Variants in ROCK2 observed in about 807,000 individuals in gnomAD.
The protein encoded by ROCK2 is Rho associated coiled-coil containing protein kinase 2.
In ROCK2, 61 loss-of-function variants were observed where a neutral mutation model predicts 195.1. That is an observed-to-expected ratio of 0.31 (90% CI 0.25 to 0.39). ROCK2 has a LOEUF of 0.39. Ranked by LOEUF, ROCK2 falls within the 10% of genes least tolerant of loss-of-function variation. ROCK2 has a pLI of 1.00. For missense variants in ROCK2, 1,109 were observed against 1,637.4 expected (o/e 0.68, Z 5.57); for synonymous variants, 504 against 545.5 (o/e 0.92, Z 1.06).
intron 1 of ROCK2, among the ~76,000 whole-genome samples, chr2:11,319,455 C>A (rs1040942112): frequency 2.0e-4 from 31 of 152,260 alleles, no homozygotes; most frequent in African/African-American, 7.0e-4. Flanking sequence ...GATTTTGTAT[C>A]CTGAGACTTT....
intron 3 of ROCK2, among the ~76,000 whole-genome samples, chr2:11,260,509 CCACTCTTCAAATCTT>C (rs1305180989): frequency 2.0e-5 from 3 of 150,246 alleles, no homozygotes; most frequent in Non-Finnish European, 2.9e-5. Flanking sequence ...TATATTTACA[CCACTCTTCAAATCTT>C]CACTTACTTT....
Position 11,180,772 on chromosome 2 carries a change from GGTT to G in ROCK2, c.*2662_*2664del, listed in dbSNP as rs889932748. The G allele has an allele frequency of 5.9e-5, 9 of 152,144 alleles. No homozygotes were observed. The highest frequency in any genetic ancestry group is 1.9e-4 in the African/African-American group (8 of 41,428). 9.4% of individuals were successfully genotyped at this position (152,144 alleles called of 1,614,324 possible). A position where few individuals can be genotyped will look rare whatever the true frequency, so the allele number is the denominator to read the frequency against. ...AAAACGAGAAACGAGCACAAAATCA[GGTT>G]GTTTTATATTTAATAAGTGTTGGGA... On this transcript the variant is annotated 3_prime_UTR_variant, in exon 33 of 33. Transcript: ENST00000315872.
chr2:11,300,336 C>G (rs895530072), intron 1 of ROCK2, among the ~76,000 whole-genome samples: 1 of 152,182 alleles, frequency 6.6e-6, no homozygotes, highest in Non-Finnish European at 1.5e-5. Context: ...GATCTCAGCT[C>G]AATGCAATCT....
In ROCK2 at chr2:11,344,072, GC is replaced by G; in HGVS notation, c.64del (p.Ala22GlnfsTer12). 1 of 1,556,794 alleles carries G rather than the reference GC, an allele frequency of 6.4e-7. No homozygotes were observed. The highest frequency in any genetic ancestry group is 1.2e-5 in the South Asian group (1 of 86,178). ...CAGCTTCCTCTGGCGGCTCGCGCCTGCCCCGTCCCCCGGCGCGGTCTCGGGG... is the reference window on the plus strand; with the variant it reads ...CAGCTTCCTCTGGCGGCTCGCGCCTGCCCGTCCCCCGGCGCGGTCTCGGGG... Reference protein sequence around the residue: ...GAPETAPGDGAGASRQRKLEA... With the variant: ...GAPETAPGDGXGASRQRKLEA... On this transcript the variant is annotated frameshift_variant, in exon 1 of 33. Transcript: ENST00000315872. LOFTEE classifies it high-confidence loss of function. This position sits in a 1 kb window ranked among gnomAD's most constrained non-coding sequence, Gnocchi z 5.4.
chr2:11,309,007 T>G, intron 1 of ROCK2: 1 of 1,592,298 alleles, frequency 6.3e-7, no homozygotes, highest in South Asian at 1.1e-5. Flanking sequence ...CATAGCTCTG[T>G]GTAGCGTATT....
At chr2:11,190,494 T>G (rs1335888394) in intron 32 of ROCK2, among the ~76,000 whole-genome samples, 3 of 152,152 alleles carry the variant, frequency 2.0e-5, no homozygotes, top group African/African-American at 7.2e-5. Flanking sequence ...GTTACATAAC[T>G]GGGAGCGTGC....
At chr2:11,317,577 TA>T (rs1558388058) in intron 1 of ROCK2, among the ~76,000 whole-genome samples, 19 of 13,212 alleles carry the variant, frequency 1.4e-3, no homozygotes, top group African/African-American at 6.3e-3. Context: ...TCTACACATT[TA>T]TATATATATA....
At chr2:11,248,732 A>G (rs1354228983) in intron 4 of ROCK2, among the ~76,000 whole-genome samples, 2 of 144,452 alleles carry the variant, frequency 1.4e-5, no homozygotes, top group Admixed American at 7.0e-5. Flanking sequence ...AAAAAAAAAA[A>G]AAAAAAGAAA....
At chr2:11,292,534 AAAT>A (rs746810872) in intron 1 of ROCK2, among the ~76,000 whole-genome samples, 44 of 149,784 alleles carry the variant, frequency 2.9e-4, no homozygotes, top group African/African-American at 6.9e-4. Flanking sequence ...AAAGTTAATA[AAAT>A]AATAAACTTA....
At chr2:11,193,105 G>T (rs1663493188) in intron 30 of ROCK2, among the ~76,000 whole-genome samples, 1 of 152,160 alleles carries the variant, frequency 6.6e-6, no homozygotes, top group African/African-American at 2.4e-5. Context: ...TTGGTGTTTT[G>T]TAATACTTAA....
rs1451666435 is a variant in ROCK2 at position 11,201,680 on chromosome 2, A to G, written c.2620-267T>C. 6.6e-6 allele frequency among the ~76,000 whole-genome samples: 1 copy of G among 152,234 alleles called. No individual in the cohort carries two copies. The highest frequency in any genetic ancestry group is 1.5e-5 in the Non-Finnish European group (1 of 68,032). On this transcript the variant is annotated intron_variant, in intron 21 of 32. Coordinates refer to ENST00000315872, the MANE Select transcript of ROCK2 (RefSeq NM_004850.5). The surrounding 1 kb of genome is among the most constrained non-coding windows in gnomAD (Gnocchi z 4.6). ...AATAGCACAGATAGGTAAAATGAAT[A>G]AGGAGGCAAGGAAAAACATTAACAA...
chr2:11,218,828 T>C (rs1572259177), intron 10 of ROCK2, 138 bp downstream of exon 10: 2 of 543,074 alleles, frequency 3.7e-6, no homozygotes, highest in East Asian at 3.0e-5. Flanking sequence ...TGCAATGCTA[T>C]GTTAAACTGT....
At chr2:11,217,319 T>A (rs1344665351) in intron 11 of ROCK2, 150 bp from the exon 12 acceptor site, 2 of 726,452 alleles carry the variant, frequency 2.8e-6, no homozygotes, top group Non-Finnish European at 5.1e-6. Context: ...TAATGTGACT[T>A]ATATTGATAA....
At position 11,332,187 on chromosome 2, in the gene ROCK2, A is replaced by G. The variant is rs149560215; in HGVS notation, c.141+11809T>C. Among the ~76,000 whole-genome samples, 136 of 152,228 alleles carry G rather than the reference A, an allele frequency of 8.9e-4. 1 individual carries two copies. The highest frequency in any genetic ancestry group is 3.2e-3 in the African/African-American group (132 of 41,536). ...ATTAAAAAAATAAAAAAGAGCCTAC[A>G]CAGATCAGCAAGACTCATTCATTCC... is the stretch of plus-strand genomic sequence containing the variant. On this transcript the variant is annotated intron_variant, in intron 1 of 32. Coordinates refer to ENST00000315872, the MANE Select transcript of ROCK2 (RefSeq NM_004850.5).
chr2:11,312,926 T>TAG (rs1318794480), intron 1 of ROCK2, among the ~76,000 whole-genome samples: 1 of 151,826 alleles, frequency 6.6e-6, no homozygotes, highest in Non-Finnish European at 1.5e-5. Context: ...AAGGCAAAAC[T>TAG]AGAGATAGCA....
At position 11,207,763 on chromosome 2, in the gene ROCK2, T is replaced by C; in HGVS notation, c.2512A>G (p.Lys838Glu). 1 of 1,607,602 alleles carries C rather than the reference T, an allele frequency of 6.2e-7. No individual in the cohort carries two copies. Among genetic ancestry groups the C allele is most frequent in the Non-Finnish European group, 8.5e-7 (1 of 1,176,524 alleles). Residue 838 changes from lysine (K) to glutamate (E), a missense_variant, in exon 20 of 33, where the codon AAA becomes GAA. Coordinates refer to ENST00000315872, the MANE Select transcript of ROCK2 (RefSeq NM_004850.5). ...GCATTTTGTTTTTCCAAGTTCATTT[T>C]CATTTCCATGAGATGGTTATTTTCT... Reference protein sequence around the residue: ...KQENNHLMEMKMNLEKQNAEL... With the variant: ...KQENNHLMEMEMNLEKQNAEL...
chr2:11,216,719 T>TC (rs1664443664), intron 12 of ROCK2, among the ~76,000 whole-genome samples: 1 of 150,308 alleles, frequency 6.7e-6, no homozygotes, highest in Non-Finnish European at 1.5e-5. Flanking sequence ...TTCTGTTTTT[T>TC]CTTTTTTTTT....
In ROCK2 at chr2:11,182,645, TTTG is replaced by T. The variant is rs1166111528; in HGVS notation, c.*789_*791del. 6.6e-6 allele frequency: 1 copy of T among 152,640 alleles called. No homozygotes were observed. The highest frequency in any genetic ancestry group is 6.5e-5 in the Admixed American group (1 of 15,286). The allele number at this position is 152,640 out of a possible 1,614,324, so 9.5% of individuals were successfully genotyped here. On this transcript the variant is annotated 3_prime_UTR_variant, in exon 33 of 33. Coordinates refer to ENST00000315872, the MANE Select transcript of ROCK2 (RefSeq NM_004850.5). ...ATCCTAAGAGCTGGTAAACGCTTTT[TTTG>T]TTTTTTAATACAGACAGGGCTGAGA...
intron 7 of ROCK2, 113 bp from the exon 8 acceptor site, chr2:11,222,287 AT>A: frequency 1.6e-6 from 1 of 609,782 alleles, no homozygotes; most frequent in Non-Finnish European, 2.8e-6. Flanking sequence ...AGATATTTGT[AT>A]TAAAAGCTTC....
Sources: gnomAD v4.1 joint callset for allele counts (sites outside exome capture counted in the v4.1 genomes callset) on GRCh38, gnomAD v4.1.1 for gene constraint, Gnocchi (gnomAD v3.1) non-coding constraint, MANE v1.5 for transcripts, NCBI Gene and HGNC (gene_info 2026-07-23, HGNC 2026-07-21) for gene names.